PAK1: variants seen among roughly 807,000 people sequenced by gnomAD.
PAK1 encodes the protein serine/threonine-protein kinase PAK 1.
Under a neutral mutation model 67.4 loss-of-function variants are expected in PAK1, and 29 were observed. That is an observed-to-expected ratio of 0.43 (90% CI 0.32 to 0.59). The LOEUF (loss-of-function observed/expected upper bound fraction) is 0.59. Among genes scored for constraint, PAK1 ranks in the 20% least tolerant of loss-of-function variants. The pLI, the probability that PAK1 is intolerant of heterozygous loss-of-function variation, is 0.07. For synonymous variants in PAK1, 223 were observed against 237.4 expected (o/e 0.94, Z 0.56); for missense variants, 337 against 670.7 (o/e 0.50, Z 5.50).
In PAK1 at chr11:77,355,657, A is replaced by T; in HGVS notation, c.772+11T>A. ...AACGAAGAAAGGTTCAGAAAGCTACAAATTCCTTACGTAATTTCTCCAAGA... is the reference window on the plus strand; with the variant it reads ...AACGAAGAAAGGTTCAGAAAGCTACTAATTCCTTACGTAATTTCTCCAAGA... On this transcript the variant is annotated intron_variant, in intron 7 of 14. Coordinates refer to ENST00000356341, the MANE Select transcript of PAK1 (RefSeq NM_002576.5). 6.2e-7 allele frequency: 1 copy of T among 1,608,988 alleles called. No homozygotes were observed. Among genetic ancestry groups the T allele is most frequent in the Non-Finnish European group, 8.5e-7 (1 of 1,175,750 alleles).
chr11:77,324,360 A>T (rs1456752952), intron 14 of PAK1, among the ~76,000 whole-genome samples: 1 of 151,868 alleles, frequency 6.6e-6, no homozygotes, highest in Non-Finnish European at 1.5e-5. Context: ...TTTAGTAGAG[A>T]CGGGGTTTTG....
intron 2 of PAK1, among the ~76,000 whole-genome samples, chr11:77,387,568 AGTT>A (rs1454978931): frequency 6.6e-6 from 1 of 152,222 alleles, no homozygotes; most frequent in African/African-American, 2.4e-5. Context: ...ACTAAAAATG[AGTT>A]GTTGTAGGTA....
intron 1 of PAK1, among the ~76,000 whole-genome samples, chr11:77,396,843 T>C (rs1212213209): frequency 1.3e-5 from 2 of 152,226 alleles, no homozygotes; most frequent in African/African-American, 2.4e-5. Flanking sequence ...CCCTTTCTTA[T>C]AGGTTCTCCA....
At chr11:77,399,848 G>T (rs1189665035) in intron 1 of PAK1, among the ~76,000 whole-genome samples, 1 of 72,740 alleles carries the variant, frequency 1.4e-5, no homozygotes, top group Non-Finnish European at 2.3e-5. Flanking sequence ...GACAGAGCGA[G>T]ACTCCGTCTC....
the PAK1 span, among the ~76,000 whole-genome samples, chr11:77,509,000 G>T: frequency 4.9e-5 from 7 of 143,326 alleles, no homozygotes; most frequent in Admixed American, 2.1e-4. Context: ...GCCGGGCGCG[G>T]TGGCTCAAGC....
intron 14 of PAK1, among the ~76,000 whole-genome samples, chr11:77,323,621 C>T (rs1323860598): frequency 6.6e-6 from 1 of 152,056 alleles, no homozygotes; most frequent in Non-Finnish European, 1.5e-5. Flanking sequence ...TGTATAGCCA[C>T]CAAAAGACAT....
At chr11:77,492,826 G>A in the PAK1 span, among the ~76,000 whole-genome samples, 1 of 152,064 alleles carries the variant, frequency 6.6e-6, no homozygotes, top group African/African-American at 2.4e-5. Context: ...AGATCTGATT[G>A]TTTAAAAGTG....
intron 4 of PAK1, among the ~76,000 whole-genome samples, chr11:77,374,667 G>A (rs1295777397): frequency 6.6e-6 from 1 of 152,116 alleles, no homozygotes. Flanking sequence ...TGTGTCATCA[G>A]GTAATTTGGT....
chr11:77,379,809 T>C, intron 3 of PAK1, 85 bp downstream of exon 3: 1 of 905,222 alleles, frequency 1.1e-6, no homozygotes, highest in Non-Finnish European at 1.7e-6. Context: ...GATAGAAGCA[T>C]CAGGAAGATG....
intron 5 of PAK1, among the ~76,000 whole-genome samples, chr11:77,367,667 G>T (rs982327025): frequency 6.6e-6 from 1 of 152,140 alleles, no homozygotes; most frequent in Non-Finnish European, 1.5e-5. Context: ...TTAAAAAATG[G>T]AGAATTAGTT....
chr11:77,402,912 C>G (rs1033359540), intron 1 of PAK1, among the ~76,000 whole-genome samples: 3 of 152,174 alleles, frequency 2.0e-5, no homozygotes, highest in Non-Finnish European at 4.4e-5. Context: ...CATCTCCAAA[C>G]TTTTCTGTGA....
chr11:77,345,299 A>C (rs1176663210), intron 9 of PAK1, among the ~76,000 whole-genome samples: 1 of 151,068 alleles, frequency 6.6e-6, no homozygotes, highest in Non-Finnish European at 1.5e-5. Flanking sequence ...GGCAAGAGAG[A>C]AATCAGTAGG....
intron 1 of PAK1, among the ~76,000 whole-genome samples, chr11:77,419,086 C>T (rs1198529106): frequency 6.6e-6 from 1 of 152,196 alleles, no homozygotes; most frequent in East Asian, 1.9e-4. Flanking sequence ...CTCTCTCTTT[C>T]AATGGTGGGT....
the PAK1 span, among the ~76,000 whole-genome samples, chr11:77,494,193 A>C: frequency 1.3e-5 from 2 of 152,256 alleles, no homozygotes; most frequent in African/African-American, 4.8e-5. Context: ...GCAGCACTGT[A>C]ACCTCATAAA....
chr11:77,372,731 C>A (rs1286500145), intron 5 of PAK1, among the ~76,000 whole-genome samples: 2 of 152,194 alleles, frequency 1.3e-5, no homozygotes, highest in African/African-American at 4.8e-5. Context: ...CTAGTCATAA[C>A]CACTTCGCAG....
chr11:77,355,813 A>C lies in PAK1; in HGVS notation c.627T>G (p.Leu209=). Residue 209 remains leucine, a synonymous_variant, in exon 7 of 15, where the codon CTT becomes CTG. Coordinates refer to ENST00000356341, the MANE Select transcript of PAK1 (RefSeq NM_002576.5). ...SVYTRSVIEP[L]PVTPTRDVAT... ...CCACGTCCCGAGTTGGAGTGACAGG[A>C]AGTGGTTCAATCACAGACCGTGTGT... The C allele has an allele frequency of 6.2e-7, 1 of 1,613,650 alleles. No homozygotes were observed.
At chr11:77,471,819 G>A (rs1039176338) in intron 1 of PAK1, among the ~76,000 whole-genome samples, 6 of 152,224 alleles carry the variant, frequency 3.9e-5, no homozygotes, top group African/African-American at 1.4e-4. Context: ...ACCTAGCACA[G>A]GGACTCAAAA....
intron 2 of PAK1, among the ~76,000 whole-genome samples, chr11:77,390,546 G>C (rs2137382550): frequency 6.6e-6 from 1 of 151,582 alleles, no homozygotes; most frequent in African/African-American, 2.4e-5. Context: ...ACCCAGGCTG[G>C]AGTGCAGTGG....
At chr11:77,361,919 C>A (rs1481109993) in intron 5 of PAK1, among the ~76,000 whole-genome samples, 1 of 152,090 alleles carries the variant, frequency 6.6e-6, no homozygotes, top group African/African-American at 2.4e-5. Flanking sequence ...TTTTCTACTG[C>A]AAATAGGCAA....
Sources: gnomAD v4.1 joint callset for allele counts (sites outside exome capture counted in the v4.1 genomes callset) on GRCh38, gnomAD v4.1.1 for gene constraint, MANE v1.5 for transcripts, NCBI Gene and HGNC (gene_info 2026-07-23, HGNC 2026-07-21) for gene names.